Variants in SEMA6A observed in about 807,000 individuals in gnomAD.
The protein encoded by SEMA6A is semaphorin 6A.
In SEMA6A, 25 loss-of-function variants were observed where a neutral mutation model predicts 96.8. The ratio of observed to expected loss-of-function variants is 0.26; its 90% CI spans 0.19 to 0.36. The LOEUF (loss-of-function observed/expected upper bound fraction) is 0.36. SEMA6A is among the 10% of genes least tolerant of loss of function. The pLI is 1.00. For missense variants in SEMA6A, 1,363 were observed against 1,323.1 expected (o/e 1.03, Z -0.47); for synonymous variants, 612 against 518.0 (o/e 1.18, Z -2.46).
intron 18 of SEMA6A, among the ~76,000 whole-genome samples, chr5:116,452,077 C>T (rs1354493712): frequency 6.6e-6 from 1 of 152,110 alleles, no homozygotes; most frequent in Non-Finnish European, 1.5e-5. Flanking sequence ...AGTAAAGGGC[C>T]CTTGGAGGGT....
chr5:116,565,111 A>G (rs1223398352), intron 1 of SEMA6A, among the ~76,000 whole-genome samples: 1 of 152,234 alleles, frequency 6.6e-6, no homozygotes. Flanking sequence ...TGAAAGTGAC[A>G]TCAGCCTCTG....
rs1754227746 is a variant in SEMA6A at position 116,446,646 on chromosome 5, G to A, written c.3060C>T (p.Ser1020=). 3 of 1,527,368 alleles carry A rather than the reference G, an allele frequency of 2.0e-6. No individual in the cohort carries two copies. The highest frequency in any genetic ancestry group is 1.3e-5 in the South Asian group (1 of 75,824). The allele number at this position is 1,527,368 out of a possible 1,614,324, so 94.6% of individuals were successfully genotyped here. Residue 1020 remains serine (S), a synonymous_variant, in exon 19 of 19, where the codon TCC becomes TCT. Transcript: ENST00000343348. ...VPPKPSFAPL[S]TSMKPNDACT is the part of the protein sequence containing the mutation. Reference sequence around the variant, plus strand: ...ACGCATCATTGGGCTTCATGGATGTGGAAAGGGGAGCAAAGGATGGTTTGG... The same window carrying A: ...ACGCATCATTGGGCTTCATGGATGTAGAAAGGGGAGCAAAGGATGGTTTGG...
chr5:116,497,974 C>G (rs1443278322), intron 3 of SEMA6A, among the ~76,000 whole-genome samples: 4 of 152,180 alleles, frequency 2.6e-5, no homozygotes, highest in Admixed American at 2.6e-4. Flanking sequence ...TGTACTTAAG[C>G]TAAAGTTTAC....
intron 1 of SEMA6A, among the ~76,000 whole-genome samples, chr5:116,572,002 A>G (rs1252683351): frequency 6.6e-6 from 1 of 152,208 alleles, no homozygotes; most frequent in Non-Finnish European, 1.5e-5. Flanking sequence ...CATACCACAG[A>G]CTTGATGCCC....
chr5:116,522,494 T>G (rs908570015), intron 1 of SEMA6A, among the ~76,000 whole-genome samples: 2 of 152,186 alleles, frequency 1.3e-5, no homozygotes, highest in Non-Finnish European at 2.9e-5. Flanking sequence ...CTAGTCGATC[T>G]GTGATGCAGA....
At chr5:116,522,893 T>C (rs1455788240) in intron 1 of SEMA6A, among the ~76,000 whole-genome samples, 1 of 152,156 alleles carries the variant, frequency 6.6e-6, no homozygotes, top group Admixed American at 6.5e-5. Flanking sequence ...AAAAGCTGAA[T>C]GAGTGTCCTC....
chr5:116,489,243 G>GGCA (rs1007107238), intron 7 of SEMA6A, among the ~76,000 whole-genome samples: 8 of 151,726 alleles, frequency 5.3e-5, no homozygotes, highest in Admixed American at 1.3e-4. Context: ...TTTTTTAAGC[G>GGCA]GCAGCAGCAG....
intron 12 of SEMA6A, among the ~76,000 whole-genome samples, chr5:116,479,313 C>G (rs1379598367): frequency 6.6e-6 from 1 of 152,178 alleles, no homozygotes; most frequent in Non-Finnish European, 1.5e-5. Context: ...TAGCAATTTG[C>G]TTTCTCTGAA....
At chr5:116,495,387 G>A (rs752575422) in intron 6 of SEMA6A, 26 bp downstream of exon 6, 9 of 1,533,872 alleles carry the variant, frequency 5.9e-6, no homozygotes, top group East Asian at 2.3e-5. Context: ...CTGGCAGTGT[G>A]GTTCCAACCG....
chr5:116,504,781 G>T, intron 2 of SEMA6A, 64 bp downstream of exon 2: 1 of 1,264,008 alleles, frequency 7.9e-7, no homozygotes, highest in Non-Finnish European at 1.1e-6. Context: ...TTTATTTTTT[G>T]CTAGGCTGAT....
chr5:116,535,428 T>C (rs891456638), intron 1 of SEMA6A, among the ~76,000 whole-genome samples: 3 of 152,154 alleles, frequency 2.0e-5, no homozygotes, highest in African/African-American at 7.2e-5. Flanking sequence ...CATGGTGGCA[T>C]GAGGAGGTTG....
intron 17 of SEMA6A, chr5:116,468,206 G>C (rs144209667): frequency 1.9e-5 from 3 of 158,952 alleles, no homozygotes. Context: ...ATTTGTGACC[G>C]ATGGGGCAGG....
intron 1 of SEMA6A, among the ~76,000 whole-genome samples, chr5:116,547,786 C>T (rs1225832580): frequency 3.4e-5 from 5 of 148,588 alleles, no homozygotes; most frequent in South Asian, 2.2e-4. Context: ...AGTCAACACC[C>T]GTGAATGTAA....
intron 1 of SEMA6A, among the ~76,000 whole-genome samples, chr5:116,540,240 A>G (rs940479748): frequency 2.4e-4 from 36 of 152,236 alleles, no homozygotes; most frequent in Admixed American, 2.4e-3. Context: ...ATGCATTATC[A>G]TGCCTTTGAT....
At chr5:116,470,268 G>C (rs2112659540) in intron 17 of SEMA6A, among the ~76,000 whole-genome samples, 1 of 152,082 alleles carries the variant, frequency 6.6e-6, no homozygotes, top group African/African-American at 2.4e-5. Flanking sequence ...TATTATTTTT[G>C]TGCATTCCCT....
At chr5:116,547,007 T>C (rs1760216348) in intron 1 of SEMA6A, among the ~76,000 whole-genome samples, 1 of 152,200 alleles carries the variant, frequency 6.6e-6, no homozygotes, top group Non-Finnish European at 1.5e-5. Context: ...ATATATTGAA[T>C]TTATTTTAGG....
Position 116,451,429 on chromosome 5 carries a change from T to C in SEMA6A, c.1895-3618A>G, listed in dbSNP as rs182162345. The stretch of plus-strand genomic sequence containing the variant: ...TCTAAATGTAGTCAAAAAGGTGATA[T>C]GAGATTTCGAAGCAATATAAGGGAA... On this transcript the variant is annotated intron_variant, in intron 18 of 18. Transcript: ENST00000343348. Among the ~76,000 whole-genome samples the C allele has an allele frequency of 3.5e-4, 53 of 152,260 alleles. No individual in the cohort carries two copies. The East Asian group carries it at 8.3e-3, about 24-fold the overall frequency.
chr5:116,513,699 G>C (rs1208457493), intron 1 of SEMA6A, among the ~76,000 whole-genome samples: 2 of 151,596 alleles, frequency 1.3e-5, no homozygotes, highest in African/African-American at 4.9e-5. Flanking sequence ...TGTCATGGTG[G>C]TTTGCGGCAC....
Position 116,447,572 on chromosome 5 carries a change from T to C in SEMA6A, c.2134A>G (p.Thr712Ala), listed in dbSNP as rs552244528. The C allele has an allele frequency of 1.9e-6, 3 of 1,614,018 alleles. No homozygotes were observed. The highest frequency in any genetic ancestry group is 2.2e-5 in the East Asian group (1 of 44,870). ...VTKLSGLFGD[T>A]QSKDPKPEAI... The stretch of plus-strand genomic sequence containing the variant: ...TCCGGCTTTGGGTCTTTGGATTGAG[T>C]GTCCCCAAAGAGGCCGCTGAGCTTG... The change falls in exon 19 of 19, where the codon ACT becomes GCT. Residue 712 changes from threonine (T) to alanine (A), a missense_variant. Thr to Ala is a moderately conservative substitution (Grantham distance 58, BLOSUM62 0). Transcript: ENST00000343348.
Sources: gnomAD v4.1 joint callset for allele counts (sites outside exome capture counted in the v4.1 genomes callset) on GRCh38, gnomAD v4.1.1 for gene constraint, MANE v1.5 for transcripts, NCBI Gene and HGNC (gene_info 2026-07-23, HGNC 2026-07-21) for gene names.